The following RUNDC3B variants were observed in gnomAD, a reference collection of about 807,000 sequenced individuals.
RUNDC3B encodes RUN domain-containing protein 3B.
A neutral mutation model predicts 58.4 loss-of-function variants in RUNDC3B; 33 were observed. The observed-to-expected ratio is 0.56, with a 90% CI of 0.43 to 0.75. The LOEUF (loss-of-function observed/expected upper bound fraction) is 0.75. RUNDC3B is among the 30% of genes least tolerant of loss of function. The pLI, the probability that RUNDC3B is intolerant of heterozygous loss-of-function variation, is 0.00. For synonymous variants in RUNDC3B, 193 were observed against 195.2 expected (o/e 0.99, Z 0.10); for missense variants, 501 against 535.7 (o/e 0.94, Z 0.64).
chr7:87,773,140 A>G (rs971551342), intron 7 of RUNDC3B, among the ~76,000 whole-genome samples: 1 of 151,996 alleles, frequency 6.6e-6, no homozygotes, highest in Non-Finnish European at 1.5e-5. Flanking sequence ...TGGATAACAC[A>G]GTGAAACTCT....
At chr7:87,630,578 G>A (rs1821114155) in intron 1 of RUNDC3B, among the ~76,000 whole-genome samples, 1 of 151,786 alleles carries the variant, frequency 6.6e-6, no homozygotes, top group Non-Finnish European at 1.5e-5. Flanking sequence ...AAAAATAAGG[G>A]TAGTTTCAAC....
chr7:87,681,733 C>G (rs1030903517), intron 2 of RUNDC3B, among the ~76,000 whole-genome samples: 1 of 137,990 alleles, frequency 7.2e-6, no homozygotes, highest in African/African-American at 2.9e-5. Flanking sequence ...CAACAATGGG[C>G]TGGGCACAGT....
chr7:87,650,767 T>C (rs1462964958), intron 1 of RUNDC3B, 55 bp from the exon 2 acceptor site: 2 of 1,076,528 alleles, frequency 1.9e-6, no homozygotes, highest in Non-Finnish European at 2.9e-6. Context: ...ATTTTTTTCA[T>C]ACTTAGGGAA....
At chr7:87,825,998 A>C (rs1837784388) in intron 10 of RUNDC3B, among the ~76,000 whole-genome samples, 2 of 152,194 alleles carry the variant, frequency 1.3e-5, no homozygotes, top group South Asian at 4.1e-4. Context: ...GCCTTGTCTC[A>C]GATGACATTG....
chr7:87,777,211 T>C (rs1834685321), intron 7 of RUNDC3B, among the ~76,000 whole-genome samples: 1 of 152,184 alleles, frequency 6.6e-6, no homozygotes, highest in African/African-American at 2.4e-5. Flanking sequence ...CCAGACACCA[T>C]TCTAAGCAAT....
At chr7:87,708,916 ATTACT>A (rs1829834778) in intron 3 of RUNDC3B, among the ~76,000 whole-genome samples, 1 of 152,124 alleles carries the variant, frequency 6.6e-6, no homozygotes, top group South Asian at 2.1e-4. Flanking sequence ...TTAAATCTTG[ATTACT>A]TTTACTTATT....
At chr7:87,775,958 G>A (rs1005048955) in intron 7 of RUNDC3B, among the ~76,000 whole-genome samples, 1 of 152,152 alleles carries the variant, frequency 6.6e-6, no homozygotes, top group African/African-American at 2.4e-5. Context: ...GCACACAACT[G>A]TAGGAGTGAT....
intron 4 of RUNDC3B, among the ~76,000 whole-genome samples, chr7:87,712,645 T>C (rs1042283822): frequency 2.6e-5 from 4 of 152,064 alleles, no homozygotes; most frequent in Non-Finnish European, 5.9e-5. Context: ...ACAAGTAGTT[T>C]AAATATTTAA....
intron 7 of RUNDC3B, among the ~76,000 whole-genome samples, chr7:87,773,606 G>C (rs1031864240): frequency 3.3e-5 from 5 of 152,032 alleles, no homozygotes; most frequent in African/African-American, 1.2e-4. Context: ...AGCATATATG[G>C]AACAGCTATA....
At chr7:87,699,997 T>TG (rs1828875004) in intron 2 of RUNDC3B, among the ~76,000 whole-genome samples, 1 of 151,978 alleles carries the variant, frequency 6.6e-6, no homozygotes, top group Non-Finnish European at 1.5e-5. Context: ...ATTATGGTGG[T>TG]GGGGTTTTTT....
chr7:87,782,057 C>T (rs1834952645), intron 8 of RUNDC3B, among the ~76,000 whole-genome samples: 1 of 152,070 alleles, frequency 6.6e-6, no homozygotes, highest in African/African-American at 2.4e-5. Context: ...AGGATTGACA[C>T]CAGCTCTTCT....
At chr7:87,709,379 G>T in intron 3 of RUNDC3B, 1 of 985,264 alleles carries the variant, frequency 1.0e-6, no homozygotes, top group Non-Finnish European at 1.2e-6. Flanking sequence ...TGAGACTACT[G>T]GCCAGCCAGT....
At chr7:87,720,669 T>C (rs1010747053) in intron 4 of RUNDC3B, among the ~76,000 whole-genome samples, 20 of 151,694 alleles carry the variant, frequency 1.3e-4, no homozygotes, top group African/African-American at 4.6e-4. Context: ...TGGTGAGCTC[T>C]GGCTCACTGC....
At chr7:87,750,374 A>T (rs1334982537) in intron 6 of RUNDC3B, among the ~76,000 whole-genome samples, 18 of 151,314 alleles carry the variant, frequency 1.2e-4, no homozygotes, top group African/African-American at 4.4e-4. Context: ...CATGATTTAT[A>T]GTCCTTTGGG....
chr7:87,816,860 A>G (rs1837071640), intron 10 of RUNDC3B, among the ~76,000 whole-genome samples: 1 of 152,152 alleles, frequency 6.6e-6, no homozygotes, highest in Admixed American at 6.6e-5. Flanking sequence ...TTCAGTTTCT[A>G]AGACTCAACC....
intron 8 of RUNDC3B, among the ~76,000 whole-genome samples, chr7:87,778,491 A>G (rs1257524336): frequency 1.3e-5 from 2 of 152,080 alleles, no homozygotes; most frequent in Non-Finnish European, 2.9e-5. Context: ...AAGAGAATAA[A>G]AATTACCTTC....
intron 7 of RUNDC3B, among the ~76,000 whole-genome samples, chr7:87,777,016 T>C (rs1834672833): frequency 6.6e-6 from 1 of 152,114 alleles, no homozygotes; most frequent in Non-Finnish European, 1.5e-5. Flanking sequence ...ATATATGATT[T>C]CCTGAATTCA....
At chr7:87,678,494 A>G (rs1449049307) in intron 2 of RUNDC3B, among the ~76,000 whole-genome samples, 1 of 152,248 alleles carries the variant, frequency 6.6e-6, no homozygotes, top group African/African-American at 2.4e-5. Context: ...CAATAAATAA[A>G]TTAAAATGGA....
intron 2 of RUNDC3B, among the ~76,000 whole-genome samples, chr7:87,663,417 T>C (rs972359504): frequency 4.0e-5 from 6 of 151,868 alleles, no homozygotes; most frequent in Non-Finnish European, 7.4e-5. Context: ...AGTCAATACT[T>C]ATTAAGCTTT....
Sources: allele counts gnomAD v4.1 joint callset (sites outside exome capture counted in the v4.1 genomes callset), GRCh38; gene constraint gnomAD v4.1.1; transcripts MANE v1.5; gene names NCBI Gene and HGNC (gene_info 2026-07-23, HGNC 2026-07-21).